Variants in BICD2 observed in about 807,000 individuals in gnomAD.
The protein encoded by BICD2 is BICD cargo adaptor 2.
Under a neutral mutation model 72.9 loss-of-function variants are expected in BICD2, and 25 were observed. That is an observed-to-expected ratio of 0.34 (90% confidence interval 0.25 to 0.48). The LOEUF is 0.48. Among genes scored for constraint, BICD2 ranks in the 20% least tolerant of loss-of-function variants. The pLI, the probability that BICD2 is intolerant of heterozygous loss-of-function variation, is 0.99. For synonymous variants in BICD2, 501 were observed against 516.1 expected (o/e 0.97, Z 0.40); for missense variants, 894 against 1,175.2 (o/e 0.76, Z 3.50).
At position 92,718,699 on chromosome 9, in the gene BICD2, G is replaced by A. The variant is rs769925371; in HGVS notation, c.1946C>T (p.Thr649Met). The A allele has an allele frequency of 1.1e-5, 18 of 1,614,016 alleles. No homozygotes were observed. The highest frequency in any genetic ancestry group is 1.6e-4 in the Middle Eastern group (1 of 6,082). The change falls in exon 5 of 7, where the codon ACG becomes ATG. Residue 649 changes from threonine (T) to methionine (M), a missense_variant. By Grantham distance (81) the Thr-to-Met change is moderately conservative (BLOSUM62 -1). Around this residue, in one of 5 missense-constraint regions of BICD2, gnomAD observed 321 missense variants for 443.9 expected, o/e 0.72. Transcript: ENST00000356884. Reference sequence around the variant, plus strand: ...GGCAATGCGCTGGCGTGACAGCTCCGTGGTGCGGTCCACGGCTGCCTGCAG... The same window carrying A: ...GGCAATGCGCTGGCGTGACAGCTCCATGGTGCGGTCCACGGCTGCCTGCAG... Reference protein sequence around the residue: ...KHLQAAVDRTTELSRQRIASQ... With the variant: ...KHLQAAVDRTMELSRQRIASQ...
At chr9:92,752,325 G>C (rs1854167359) in intron 1 of BICD2, among the ~76,000 whole-genome samples, 1 of 141,986 alleles carries the variant, frequency 7.0e-6, no homozygotes, top group South Asian at 2.6e-4. Flanking sequence ...AGAAAGGAAG[G>C]AAGCACTTTA....
chr9:92,722,998 G>C (rs1454464225), intron 2 of BICD2, among the ~76,000 whole-genome samples, 190 bp from the exon 3 acceptor site: 1 of 152,008 alleles, frequency 6.6e-6, no homozygotes, highest in Admixed American at 6.6e-5. Context: ...GCGGACTGCA[G>C]AGGTTCCAGA....
intron 1 of BICD2, among the ~76,000 whole-genome samples, chr9:92,751,134 T>G (rs1001796283): frequency 1.3e-4 from 19 of 150,460 alleles, no homozygotes; most frequent in African/African-American, 3.7e-4. Flanking sequence ...TGGTTGGTTT[T>G]TTGTTGTTGT....
intron 1 of BICD2, among the ~76,000 whole-genome samples, chr9:92,742,691 C>A (rs1052944937): frequency 6.6e-6 from 1 of 151,804 alleles, no homozygotes; most frequent in Non-Finnish European, 1.5e-5. Context: ...CCTAATTCCA[C>A]ATTTCTATCA....
chr9:92,743,979 C>T (rs1045095324), intron 1 of BICD2, among the ~76,000 whole-genome samples: 8 of 152,184 alleles, frequency 5.3e-5, no homozygotes, highest in Admixed American at 6.5e-5. Flanking sequence ...ATCAGTAACA[C>T]ATCAAGTGCC....
chr9:92,726,568 G>T (rs891018717), intron 2 of BICD2, among the ~76,000 whole-genome samples: 7 of 152,114 alleles, frequency 4.6e-5, no homozygotes, highest in Admixed American at 4.6e-4. Flanking sequence ...GCATGACTGG[G>T]ACTGGTGGTG....
At position 92,718,228 on chromosome 9, in the gene BICD2, T is replaced by C. The variant is rs375401760; in HGVS notation, c.2107-280A>G. Among the ~76,000 whole-genome samples the C allele has an allele frequency of 2.2e-4, 34 of 152,342 alleles. 1 individual carries two copies. The East Asian group carries it at 6.0e-3, about 27-fold the overall frequency. Reference sequence around the variant, plus strand: ...CAATTGCTCTCCACAGCTCAGACTATGGCTCTCACATGTTTTCCCTCCAGT... The same window carrying C: ...CAATTGCTCTCCACAGCTCAGACTACGGCTCTCACATGTTTTCCCTCCAGT... On this transcript the variant is annotated intron_variant, in intron 5 of 6. Transcript: ENST00000356884.
intron 1 of BICD2, among the ~76,000 whole-genome samples, chr9:92,733,680 A>C (rs1459248959): frequency 6.6e-6 from 1 of 151,478 alleles, no homozygotes; most frequent in Non-Finnish European, 1.5e-5. Context: ...AAACTTTCAG[A>C]AGATAGGCTG....
intron 1 of BICD2, among the ~76,000 whole-genome samples, chr9:92,762,359 C>A (rs1026761899): frequency 6.6e-6 from 1 of 152,052 alleles, no homozygotes; most frequent in Non-Finnish European, 1.5e-5. Flanking sequence ...TGAACTGGTA[C>A]AAACTTTCTG....
At chr9:92,717,700 C>CCT in intron 6 of BICD2, 97 bp downstream of exon 6, 11 of 1,436,260 alleles carry the variant, frequency 7.7e-6, no homozygotes, top group Non-Finnish European at 1.0e-5. Flanking sequence ...GGGCTGCAGG[C>CCT]CTCAGCATGA....
chr9:92,755,269 C>G (rs957727871), intron 1 of BICD2, among the ~76,000 whole-genome samples: 4 of 152,192 alleles, frequency 2.6e-5, no homozygotes, highest in Non-Finnish European at 5.9e-5. Context: ...ATCTCAAAAC[C>G]CTGTCTCCTG....
chr9:92,727,031 C>G (rs981763378), intron 2 of BICD2, among the ~76,000 whole-genome samples: 3 of 152,144 alleles, frequency 2.0e-5, no homozygotes, highest in African/African-American at 7.2e-5. Flanking sequence ...GCCAAGGATA[C>G]ATCTCTCCAT....
chr9:92,723,664 G>A (rs1445157639), intron 2 of BICD2, among the ~76,000 whole-genome samples: 1 of 152,172 alleles, frequency 6.6e-6, no homozygotes, highest in Non-Finnish European at 1.5e-5. Context: ...AATACACTGA[G>A]TTGTACACCT....
At position 92,712,980 on chromosome 9, in the gene BICD2, G is replaced by A. The variant is rs147608984; in HGVS notation, c.*2174C>T. ...GCTATGGAGCACACAGCTCTGCCTC[G>A]TGCTGACACCAGACAAACACGGTGG... is the stretch of plus-strand genomic sequence containing the variant. On this transcript the variant is annotated 3_prime_UTR_variant, in exon 7 of 7. Transcript: ENST00000356884. The A allele has an allele frequency of 1.8e-5, 3 of 168,206 alleles. No individual in the cohort carries two copies. Among genetic ancestry groups the A allele is most frequent in the East Asian group, 1.6e-4 (1 of 6,166 alleles). The allele number at this position is 168,206 out of a possible 1,614,324, so 10.4% of individuals were successfully genotyped here.
intron 1 of BICD2, among the ~76,000 whole-genome samples, chr9:92,743,642 CA>C (rs1853944379): frequency 6.6e-6 from 1 of 152,128 alleles, no homozygotes; most frequent in Non-Finnish European, 1.5e-5. Flanking sequence ...ACTAAGGCTC[CA>C]AAAGGCCAAA....
rs151104529 is a variant in BICD2 at position 92,734,304 on chromosome 9, G to T, written c.241-5068C>A. ...AGGCAAGCAGATCACTTGAGGCCAG[G>T]AGTTCGAGACCATCCTGGCCAACAT... is the stretch of plus-strand genomic sequence containing the variant. On this transcript the variant is annotated intron_variant, in intron 1 of 6. Coordinates refer to ENST00000356884, the MANE Select transcript of BICD2 (RefSeq NM_001003800.2). Among the ~76,000 whole-genome samples the T allele has an allele frequency of 3.6e-3, 553 of 152,230 alleles. 3 individuals carry two copies. The highest frequency in any genetic ancestry group is 0.012 in the African/African-American group (492 of 41,554).
chr9:92,715,292 A>G lies in BICD2; in HGVS notation c.2430T>C (p.Arg810=), dbSNP rs753250299. Reference sequence around the variant, plus strand: ...GCTTGGTCTTCGGGGCGGCTTTGGCACGGCCACGCCGGGTCTGCTCATGGT... The same window carrying G: ...GCTTGGTCTTCGGGGCGGCTTTGGCGCGGCCACGCCGGGTCTGCTCATGGT... The part of the protein sequence containing the change: ...ELDHEQTRRG[R]AKAAPKTKPA... Residue 810 remains arginine, a synonymous_variant, in exon 7 of 7, where the codon CGT becomes CGC. Transcript: ENST00000356884. 6.2e-7 allele frequency: 1 copy of G among 1,612,712 alleles called. No homozygotes were observed. The highest frequency in any genetic ancestry group is 1.1e-5 in the South Asian group (1 of 91,074).
chr9:92,725,143 C>G (rs1313815778), intron 2 of BICD2, among the ~76,000 whole-genome samples: 1 of 152,232 alleles, frequency 6.6e-6, no homozygotes, highest in Non-Finnish European at 1.5e-5. Flanking sequence ...CCAGATGCCT[C>G]ATACCATTAG....
chr9:92,727,450 G>A (rs1853589782), intron 2 of BICD2, among the ~76,000 whole-genome samples: 1 of 152,184 alleles, frequency 6.6e-6, no homozygotes, highest in Non-Finnish European at 1.5e-5. Flanking sequence ...CTGAGGCCAG[G>A]ACTAAAGATA....
Sources: gnomAD v4.1 joint callset for allele counts (sites outside exome capture counted in the v4.1 genomes callset) on GRCh38, gnomAD v4.1.1 for gene constraint, gnomAD v4.1.1 regional missense constraint, MANE v1.5 for transcripts, NCBI Gene and HGNC (gene_info 2026-07-23, HGNC 2026-07-21) for gene names.